TAB2: variants seen among roughly 807,000 people sequenced by gnomAD.
TAB2 encodes TGF-beta-activated kinase 1 and MAP3K7-binding protein 2.
A neutral mutation model predicts 65.0 loss-of-function variants in TAB2; 3 were observed. The ratio of observed to expected loss-of-function variants is 0.05; its 90% CI spans 0.02 to 0.12. The LOEUF is 0.12. TAB2 is among the 10% of genes least tolerant of loss of function. The pLI is 1.00. For synonymous variants in TAB2, 298 were observed against 285.1 expected, an observed-to-expected ratio of 1.05 and a Z score of -0.46; for missense variants, 623 against 840.3, an observed-to-expected ratio of 0.74 and a Z score of 3.20.
intron 1 of TAB2, among the ~76,000 whole-genome samples, chr6:149,365,877 A>G (rs567372259): frequency 6.6e-6 from 1 of 152,054 alleles, no homozygotes; most frequent in South Asian, 2.1e-4. Flanking sequence ...ACTGACTGTC[A>G]TTTCCCATCC....
At chr6:149,390,311 A>G (rs1781940450) in intron 3 of TAB2, among the ~76,000 whole-genome samples, 2 of 152,222 alleles carry the variant, frequency 1.3e-5, no homozygotes, top group Non-Finnish European at 1.5e-5. Context: ...ACAAAAAGAT[A>G]CCAGAAGTAA....
At chr6:149,369,743 T>C (rs1781158062) in intron 1 of TAB2, among the ~76,000 whole-genome samples, 166 bp from the exon 2 acceptor site, 1 of 152,238 alleles carries the variant, frequency 6.6e-6, no homozygotes, top group Non-Finnish European at 1.5e-5. Flanking sequence ...GAGTTTATAC[T>C]AAAAAGATAG....
At chr6:149,229,393 CGTG>C (rs1777353913) in intron 1 of TAB2, among the ~76,000 whole-genome samples, 1 of 149,076 alleles carries the variant, frequency 6.7e-6, no homozygotes, top group Non-Finnish European at 1.5e-5. Context: ...CCTTTAAAGA[CGTG>C]TGTGTGTGTG....
intron 5 of TAB2, among the ~76,000 whole-genome samples, chr6:149,398,557 T>C (rs1357743800): frequency 6.6e-6 from 1 of 152,188 alleles, no homozygotes; most frequent in Non-Finnish European, 1.5e-5. Context: ...TTTTTATTTT[T>C]ATTCTTTTTA....
intron 1 of TAB2, among the ~76,000 whole-genome samples, chr6:149,237,859 C>A (rs968299544): frequency 6.6e-6 from 1 of 152,184 alleles, no homozygotes; most frequent in Admixed American, 6.5e-5. Context: ...CACGCCACCC[C>A]ACTCCAAATC....
At chr6:149,251,772 T>C (rs1205579997) in intron 1 of TAB2, among the ~76,000 whole-genome samples, 1 of 152,212 alleles carries the variant, frequency 6.6e-6, no homozygotes, top group Non-Finnish European at 1.5e-5. Flanking sequence ...AAAAAGACTT[T>C]AGCTGTACTT....
At chr6:149,303,319 A>G (rs1337821279) in intron 1 of TAB2, among the ~76,000 whole-genome samples, 3 of 152,224 alleles carry the variant, frequency 2.0e-5, no homozygotes, top group African/African-American at 7.2e-5. Context: ...TAGTCTGTGG[A>G]AAAACTGTCT....
At chr6:149,220,011 A>G (rs977466105) in intron 1 of TAB2, among the ~76,000 whole-genome samples, 3 of 152,248 alleles carry the variant, frequency 2.0e-5, no homozygotes, top group African/African-American at 7.2e-5. Context: ...TTTAAAAATA[A>G]TAACCTTATC....
Position 149,358,640 on chromosome 6 carries a change from C to CTGTGTGTGTGTG in TAB2, c.-89-11247_-89-11236dup, listed in dbSNP as rs370116039. On this transcript the variant is annotated intron_variant, in intron 1 of 6. Transcript: ENST00000637181. The stretch of plus-strand genomic sequence containing the variant: ...TCTTTTTATTTTTCTCTTCAGAACT[C>CTGTGTGTGTGTG]TGTGTGTGTGTGTGTGTGTGTGTGT... Among the ~76,000 whole-genome samples the CTGTGTGTGTGTG allele has an allele frequency of 9.6e-3, 1,168 of 121,714 alleles. 11 individuals are homozygous for CTGTGTGTGTGTG. Among genetic ancestry groups the CTGTGTGTGTGTG allele is most frequent in the African/African-American group, 0.023 (769 of 34,066 alleles). 79.8% of individuals were successfully genotyped at this position (121,714 alleles called of 152,430 possible). A position where few individuals can be genotyped will look rare whatever the true frequency, so the allele number is the denominator to read the frequency against.
intron 3 of TAB2, among the ~76,000 whole-genome samples, chr6:149,386,026 A>C (rs959835930): frequency 6.6e-6 from 1 of 151,888 alleles, no homozygotes; most frequent in Non-Finnish European, 1.5e-5. Flanking sequence ...TCCCCTTCCC[A>C]TTATATTCCC....
At chr6:149,400,373 G>C in intron 6 of TAB2, 1 of 1,611,928 alleles carries the variant, frequency 6.2e-7, no homozygotes, top group South Asian at 1.1e-5. Flanking sequence ...CAGCAGCTGA[G>C]GAGACTCCGG....
chr6:149,403,263 T>TATAC (rs1782517225), intron 6 of TAB2, among the ~76,000 whole-genome samples: 1 of 43,634 alleles, frequency 2.3e-5, no homozygotes, highest in African/African-American at 1.3e-4. Context: ...TATATATATA[T>TATAC]ATATATATAT....
chr6:149,320,613 T>G (rs1779417038), intron 1 of TAB2, among the ~76,000 whole-genome samples: 1 of 152,238 alleles, frequency 6.6e-6, no homozygotes, highest in South Asian at 2.1e-4. Flanking sequence ...GTAGGCTGTT[T>G]TACTCTATGA....
upstream of TAB2, among the ~76,000 whole-genome samples, chr6:149,313,642 C>A (rs932925114): frequency 6.6e-6 from 1 of 152,202 alleles, no homozygotes; most frequent in African/African-American, 2.4e-5. Context: ...TTACAAAAAT[C>A]ATCTTTCCTC....
intron 6 of TAB2, chr6:149,400,292 T>C (rs1486682194): frequency 1.5e-6 from 2 of 1,347,080 alleles, no homozygotes; most frequent in Non-Finnish European, 2.0e-6. Context: ...CATCCACCGC[T>C]GTCACCTCCT....
intron 1 of TAB2, among the ~76,000 whole-genome samples, chr6:149,280,539 G>C (rs750898589): frequency 1.3e-5 from 2 of 152,076 alleles, no homozygotes; most frequent in Non-Finnish European, 2.9e-5. Flanking sequence ...CCACATATCA[G>C]GGATGAGAAA....
chr6:149,307,409 C>T (rs949354700), intron 1 of TAB2, among the ~76,000 whole-genome samples: 9 of 152,118 alleles, frequency 5.9e-5, no homozygotes, highest in Non-Finnish European at 1.0e-4. Context: ...CCAAGGAAGA[C>T]GTGAAATCCT....
At chr6:149,253,970 GAA>G (rs1410153684) in intron 1 of TAB2, among the ~76,000 whole-genome samples, 1 of 101,524 alleles carries the variant, frequency 9.8e-6, no homozygotes, top group Non-Finnish European at 2.1e-5. Context: ...AAGAAAGAAA[GAA>G]AGAAAGAAAG....
At chr6:149,235,488 G>C (rs903594582) in intron 1 of TAB2, among the ~76,000 whole-genome samples, 1 of 152,202 alleles carries the variant, frequency 6.6e-6, no homozygotes, top group Non-Finnish European at 1.5e-5. Context: ...GGAGGGTGAA[G>C]TTTGAGGTAG....
Sources: allele counts gnomAD v4.1 joint callset (sites outside exome capture counted in the v4.1 genomes callset), GRCh38; gene constraint gnomAD v4.1.1; transcripts MANE v1.5; gene names NCBI Gene and HGNC (gene_info 2026-07-23, HGNC 2026-07-21).